Variants in MYO16 observed in about 807,000 individuals in gnomAD.
MYO16 encodes the protein myosin XVI.
In MYO16, 94 loss-of-function variants were observed where a neutral mutation model predicts 205.3. The observed-to-expected ratio is 0.46, with a 90% CI of 0.39 to 0.54. The LOEUF is 0.54. MYO16 is among the 20% of genes least tolerant of loss of function. The pLI is 0.00. For synonymous variants in MYO16, 988 were observed against 954.0 expected, an observed-to-expected ratio of 1.04 and a Z score of -0.66; for missense variants, 2,315 against 2,387.5, an observed-to-expected ratio of 0.97 and a Z score of 0.63.
chr13:108,573,196 T>C, the MYO16 span, among the ~76,000 whole-genome samples: 1 of 152,196 alleles, frequency 6.6e-6, no homozygotes, highest in Admixed American at 6.5e-5. Flanking sequence ...AAGATACAGA[T>C]GCAGAAACCA....
At chr13:108,805,698 C>T (rs1887091208) in intron 6 of MYO16, among the ~76,000 whole-genome samples, 1 of 151,842 alleles carries the variant, frequency 6.6e-6, no homozygotes, top group Non-Finnish European at 1.5e-5. Flanking sequence ...GGAATTCCCT[C>T]ACCTGAAAAA....
chr13:108,969,190 A>AT (rs1883915370), intron 20 of MYO16, among the ~76,000 whole-genome samples: 1 of 152,238 alleles, frequency 6.6e-6, no homozygotes, highest in Non-Finnish European at 1.5e-5. Flanking sequence ...TAGTTTATTC[A>AT]TAACTTGCCA....
intron 28 of MYO16, among the ~76,000 whole-genome samples, chr13:109,107,855 C>CTG (rs992904453): frequency 3.7e-5 from 3 of 81,270 alleles, no homozygotes; most frequent in Non-Finnish European, 8.0e-5. Flanking sequence ...GTGTGTGTGT[C>CTG]TGTGTGTGTG....
chr13:109,014,149 T>TTTAC (rs1418729231), intron 22 of MYO16, among the ~76,000 whole-genome samples: 15 of 152,172 alleles, frequency 9.9e-5, no homozygotes, highest in Non-Finnish European at 8.8e-5. Flanking sequence ...TTGTATAAGG[T>TTTAC]GTAAGGAAGG....
chr13:108,893,989 A>T (rs913838081), intron 14 of MYO16, among the ~76,000 whole-genome samples: 36 of 152,268 alleles, frequency 2.4e-4, no homozygotes, highest in African/African-American at 3.4e-4. Flanking sequence ...TTTATTTTTT[A>T]AAAAAAGGAG....
At chr13:108,944,653 C>T (rs9587726) in intron 16 of MYO16, among the ~76,000 whole-genome samples, 8,791 of 151,984 alleles carry the variant, frequency 0.058, 397 homozygotes, top group Middle Eastern at 0.2. Flanking sequence ...AGTATGAGAG[C>T]GATTACTAAA....
At chr13:109,124,201 A>AT (rs977446236) in intron 29 of MYO16, among the ~76,000 whole-genome samples, 1 of 152,148 alleles carries the variant, frequency 6.6e-6, no homozygotes, top group Admixed American at 6.5e-5. Flanking sequence ...CTGATTGCAA[A>AT]TATGCTTCCC....
At chr13:109,113,125 A>G (rs1875489289) in intron 28 of MYO16, among the ~76,000 whole-genome samples, 2 of 152,266 alleles carry the variant, frequency 1.3e-5, no homozygotes, top group Admixed American at 6.5e-5. Context: ...AGAAAGCAAT[A>G]TGATATAGTT....
chr13:108,965,700 C>G (rs1883766984), intron 20 of MYO16, among the ~76,000 whole-genome samples: 2 of 152,188 alleles, frequency 1.3e-5, no homozygotes, highest in African/African-American at 4.8e-5. Context: ...GCCACTGCGC[C>G]CGGCCCCTAA....
rs574047767 is a variant in MYO16 at position 109,140,637 on chromosome 13, C to A, written c.4425C>A (p.His1475Gln). ...CGGGCGCGGGCTCCTTCCTGCTCCA[C>A]GGCGCATCGCCGCCCCTGCTCCACC... ...GGPGAGSFLL[H>Q]GASPPLLHRA... Residue 1475 changes from histidine to glutamine, a missense_variant, in exon 32 of 35, where the codon CAC becomes CAA. His to Gln is a conservative substitution (Grantham distance 24). Coordinates refer to ENST00000457511, the MANE Select transcript of MYO16 (RefSeq NM_001198950.3). This position sits in a 1 kb window ranked among gnomAD's most constrained non-coding sequence, Gnocchi z 8.0. 2.6e-6 allele frequency: 4 copies of A among 1,514,440 alleles called. No individual in the cohort carries two copies. The highest frequency in any genetic ancestry group is 1.7e-4 in the Middle Eastern group (1 of 5,802). 93.8% of individuals were successfully genotyped at this position (1,514,440 alleles called of 1,614,324 possible).
Position 108,654,110 on chromosome 13 carries a change from A to G in MYO16, c.29-11776A>G, listed in dbSNP as rs181263985. Among the ~76,000 whole-genome samples, 318 of 152,030 alleles carry G rather than the reference A, an allele frequency of 2.1e-3. 2 individuals carry two copies. The highest frequency in any genetic ancestry group is 7.5e-3 in the African/African-American group (312 of 41,470). On this transcript the variant is annotated intron_variant, in intron 1 of 34. Coordinates refer to ENST00000457511, the MANE Select transcript of MYO16 (RefSeq NM_001198950.3). ...ATGGCTTATGGGATGGGGTTAGGGT[A>G]TTCCATTCCCTAGGAGGCTGAGGCT...
chr13:108,676,380 TG>T (rs1882208377), intron 2 of MYO16, among the ~76,000 whole-genome samples: 7 of 127,604 alleles, frequency 5.5e-5, no homozygotes, highest in African/African-American at 2.1e-4. Flanking sequence ...CGCGTGTGTG[TG>T]TGTGTGTGTG....
At chr13:108,829,398 T>C (rs1182386164) in intron 9 of MYO16, among the ~76,000 whole-genome samples, 3 of 152,226 alleles carry the variant, frequency 2.0e-5, no homozygotes, top group Non-Finnish European at 4.4e-5. Flanking sequence ...GCTTTGTAGC[T>C]GTAGGCTGAG....
At chr13:109,107,485 GAAAAT>G (rs1326299309) in intron 28 of MYO16, among the ~76,000 whole-genome samples, 1 of 152,000 alleles carries the variant, frequency 6.6e-6, no homozygotes, top group Non-Finnish European at 1.5e-5. Flanking sequence ...GTACAGTAGA[GAAAAT>G]AAAATAGAAG....
intron 27 of MYO16, among the ~76,000 whole-genome samples, chr13:109,081,956 A>G (rs958532530): frequency 1.3e-5 from 2 of 152,204 alleles, no homozygotes; most frequent in Admixed American, 6.5e-5. Flanking sequence ...ATAAAGTTTC[A>G]TTGTTACACG....
chr13:108,629,899 G>A, intron 1 of MYO16, 27 bp downstream of exon 1: 1 of 1,511,718 alleles, frequency 6.6e-7, no homozygotes, highest in Non-Finnish European at 8.9e-7. Flanking sequence ...TCTTGCTCAT[G>A]TGGTTATTTG....
At position 108,742,921 on chromosome 13, in the gene MYO16, A is replaced by G. The variant is rs529730030; in HGVS notation, c.507+15338A>G. Among the ~76,000 whole-genome samples, 15 of 152,248 alleles carry G rather than the reference A, an allele frequency of 9.9e-5. No individual in the cohort carries two copies. The South Asian group carries it at 2.9e-3, about 29-fold the overall frequency. On this transcript the variant is annotated intron_variant, in intron 4 of 34. Coordinates refer to ENST00000457511, the MANE Select transcript of MYO16 (RefSeq NM_001198950.3). ...GAATGGTCTCTGAATAGCACTGCTC[A>G]ATTCTCACTTCTTTTCTGATACGAT...
At chr13:108,720,647 G>A (rs1884127753) in intron 3 of MYO16, among the ~76,000 whole-genome samples, 1 of 152,132 alleles carries the variant, frequency 6.6e-6, no homozygotes, top group Non-Finnish European at 1.5e-5. Context: ...AGACAACCCT[G>A]GATCAAACTG....
intron 4 of MYO16, among the ~76,000 whole-genome samples, chr13:108,762,300 AACAC>A (rs1885635753): frequency 6.6e-6 from 1 of 152,184 alleles, no homozygotes. Flanking sequence ...TGCTGCAATA[AACAC>A]ATGAGGGCAG....
Sources: gnomAD v4.1 joint callset for allele counts (sites outside exome capture counted in the v4.1 genomes callset) on GRCh38, gnomAD v4.1.1 for gene constraint, Gnocchi (gnomAD v3.1) non-coding constraint, MANE v1.5 for transcripts, NCBI Gene and HGNC (gene_info 2026-07-23, HGNC 2026-07-21) for gene names.